EFR3B: variants seen among roughly 807,000 people sequenced by gnomAD.
The protein encoded by EFR3B is protein EFR3 homolog B.
A neutral mutation model predicts 104.7 loss-of-function variants in EFR3B; 64 were observed. That is an observed-to-expected ratio of 0.61 (90% CI 0.50 to 0.75). The LOEUF (loss-of-function observed/expected upper bound fraction) is 0.75, where lower values mean the gene tolerates loss of function less well. EFR3B is among the 30% of genes least tolerant of loss of function. The pLI is 0.00. For synonymous variants in EFR3B, 385 were observed against 417.9 expected, an observed-to-expected ratio of 0.92 and a Z score of 0.96; for missense variants, 750 against 1,078.5, an observed-to-expected ratio of 0.70 and a Z score of 4.27.
At chr2:25,054,529 G>A (rs1243023402) in intron 1 of EFR3B, among the ~76,000 whole-genome samples, 2 of 152,082 alleles carry the variant, frequency 1.3e-5, no homozygotes, top group Admixed American at 6.5e-5. Flanking sequence ...TGCCATGTAG[G>A]TTGGCCTTGA....
intron 1 of EFR3B, among the ~76,000 whole-genome samples, chr2:25,088,744 A>G (rs10190896): frequency 0.12 from 17,796 of 152,210 alleles, 2,600 homozygotes; most frequent in African/African-American, 0.35. Flanking sequence ...TCCAAGTCAC[A>G]GTTTAGGAAG....
chr2:25,157,342 A>G lies in EFR3B; in HGVS notation c.*3002A>G, dbSNP rs1671201382. 1 of 152,168 alleles carries G rather than the reference A, an allele frequency of 6.6e-6. No homozygotes were observed. Among genetic ancestry groups the G allele is most frequent in the Non-Finnish European group, 1.5e-5 (1 of 68,062 alleles). The allele number at this position is 152,168 out of a possible 1,614,324, so 9.4% of individuals were successfully genotyped here. On this transcript the variant is annotated 3_prime_UTR_variant, in exon 23 of 23. Coordinates refer to ENST00000403714, the MANE Select transcript of EFR3B (RefSeq NM_014971.2). ...TCGGAAAGGTGAAGGTGAGTGTGAT[A>G]GTAGGTAATCTCCTCACCCCAGCAC...
chr2:25,046,937 C>A lies in EFR3B; in HGVS notation c.7+4618C>A, dbSNP rs551168848. ...CCAGATCCTAAGGTTTCTGCAGCCC[C>A]ATGATCCAGGTATGGCCTATGCATG... On this transcript the variant is annotated intron_variant, in intron 1 of 22. Transcript: ENST00000403714. Among the ~76,000 whole-genome samples, 22 of 152,300 alleles carry A rather than the reference C, an allele frequency of 1.4e-4. No homozygotes were observed. The East Asian group carries it at 4.1e-3, about 28-fold the overall frequency.
intron 1 of EFR3B, among the ~76,000 whole-genome samples, chr2:25,050,815 T>C (rs1489283743): frequency 6.6e-6 from 1 of 152,222 alleles, no homozygotes; most frequent in African/African-American, 2.4e-5. Context: ...ATTAATGAGA[T>C]TGCCTAGGAC....
intron 1 of EFR3B, among the ~76,000 whole-genome samples, chr2:25,046,214 C>T (rs1388097539): frequency 6.6e-6 from 1 of 151,960 alleles, no homozygotes; most frequent in African/African-American, 2.4e-5. Flanking sequence ...GGTGAAACCC[C>T]GTCTCTACTA....
In EFR3B at chr2:25,051,891, C is replaced by A. The variant is rs191593413; in HGVS notation, c.7+9572C>A. Among the ~76,000 whole-genome samples the A allele has an allele frequency of 3.3e-4, 50 of 150,528 alleles. No homozygotes were observed. The East Asian group carries it at 9.3e-3, about 28-fold the overall frequency. Reference sequence around the variant, plus strand: ...CTGACCTCAGGTGATCCGCCCACCTCGGCCTCCCAAAGTGCTGGGATTGGC... The same window carrying A: ...CTGACCTCAGGTGATCCGCCCACCTAGGCCTCCCAAAGTGCTGGGATTGGC... On this transcript the variant is annotated intron_variant, in intron 1 of 22. Coordinates refer to ENST00000403714, the MANE Select transcript of EFR3B (RefSeq NM_014971.2).
intron 19 of EFR3B, among the ~76,000 whole-genome samples, chr2:25,149,309 CT>C (rs1670938121): frequency 6.6e-6 from 1 of 152,176 alleles, no homozygotes; most frequent in Admixed American, 6.5e-5. Flanking sequence ...GATCATGCCA[CT>C]ACACTCCAGC....
rs1316253072 is a variant in EFR3B at position 25,153,729 on chromosome 2, C to A, written c.2316C>A (p.Ser772Arg). The A allele has an allele frequency of 1.3e-6, 2 of 1,551,718 alleles. No homozygotes were observed. Among genetic ancestry groups the A allele is most frequent in the Non-Finnish European group, 1.7e-6 (2 of 1,147,000 alleles). ...GTGTCTAGGCATCGCTGCTCCAGAG[C>A]AAACTCAATCAGATCTTTGAAATCA... ...HCGARASLLQ[S>R]KLNQIFEITI... The change falls in exon 22 of 23, where the codon AGC becomes AGA. Residue 772 changes from serine to arginine, a missense_variant. By Grantham distance (110) the Ser-to-Arg change is moderately radical. Transcript: ENST00000403714.
rs191072478 is a variant in EFR3B at position 25,049,615 on chromosome 2, G to T, written c.7+7296G>T. Among the ~76,000 whole-genome samples, 329 of 152,316 alleles carry T rather than the reference G, an allele frequency of 2.2e-3. 1 individual carries two copies. The highest frequency in any genetic ancestry group is 3.8e-3 in the Non-Finnish European group (257 of 68,030). ...CAGTATCTTGAAGTGGAAGAGACCA[G>T]TGCGAGGTGGAGTCATCTGGGCAGG... On this transcript the variant is annotated intron_variant, in intron 1 of 22. Coordinates refer to ENST00000403714, the MANE Select transcript of EFR3B (RefSeq NM_014971.2).
intron 19 of EFR3B, chr2:25,145,362 G>A: frequency 2.0e-6 from 1 of 488,692 alleles, no homozygotes; most frequent in Non-Finnish European, 3.6e-6. Context: ...CTTGAGCCCA[G>A]GAGTTTGAGA....
At chr2:25,047,124 A>G (rs927925438) in intron 1 of EFR3B, among the ~76,000 whole-genome samples, 1 of 152,208 alleles carries the variant, frequency 6.6e-6, no homozygotes, top group African/African-American at 2.4e-5. Context: ...TAAAAAGGTA[A>G]TATTATATTA....
chr2:25,043,936 G>A (rs1247106858), intron 1 of EFR3B, among the ~76,000 whole-genome samples: 1 of 152,158 alleles, frequency 6.6e-6, no homozygotes. Flanking sequence ...CTGCCTCATT[G>A]CATTTAGTCC....
At chr2:25,073,882 C>T (rs1219221805) in intron 1 of EFR3B, among the ~76,000 whole-genome samples, 1 of 152,156 alleles carries the variant, frequency 6.6e-6, no homozygotes, top group African/African-American at 2.4e-5. Flanking sequence ...ACCAACCAGC[C>T]TGAGGAGCAC....
At chr2:25,111,724 C>G (rs1008100357) in intron 4 of EFR3B, among the ~76,000 whole-genome samples, 1 of 152,002 alleles carries the variant, frequency 6.6e-6, no homozygotes, top group Non-Finnish European at 1.5e-5. Context: ...CAGAAGGGGA[C>G]GTGATGATGG....
chr2:25,120,932 C>T (rs1452047308), intron 4 of EFR3B, among the ~76,000 whole-genome samples: 5 of 152,120 alleles, frequency 3.3e-5, no homozygotes, highest in East Asian at 1.9e-4. Context: ...GATGGAGTCT[C>T]GCTCTATCGC....
At chr2:25,051,635 G>GTT (rs1378941873) in intron 1 of EFR3B, among the ~76,000 whole-genome samples, 3 of 97,498 alleles carry the variant, frequency 3.1e-5, no homozygotes, top group South Asian at 3.4e-4. Context: ...GTGTGTGTGT[G>GTT]TGTTTTTTTT....
At chr2:25,106,295 GT>G (rs958322841) in intron 4 of EFR3B, among the ~76,000 whole-genome samples, 32 of 145,716 alleles carry the variant, frequency 2.2e-4, no homozygotes, top group African/African-American at 2.5e-4. Context: ...CACCTCTGGA[GT>G]TTTTTTTTTT....
At position 25,136,328 on chromosome 2, in the gene EFR3B, A is replaced by G. The variant is rs59356063; in HGVS notation, c.1485-195A>G. 7.9e-3 allele frequency among the ~76,000 whole-genome samples: 1,199 copies of G among 152,232 alleles called. 12 individuals carry two copies. The highest frequency in any genetic ancestry group is 0.027 in the African/African-American group (1,125 of 41,532). ...AGAATAAGACCCTGTCTCAAAAAGG[A>G]AAAAAGAGAGAGAGATAAAGGGACA... is the stretch of plus-strand genomic sequence containing the variant. On this transcript the variant is annotated intron_variant, in intron 13 of 22. Coordinates refer to ENST00000403714, the MANE Select transcript of EFR3B (RefSeq NM_014971.2). The surrounding 1 kb of genome is among the most constrained non-coding windows in gnomAD (Gnocchi z 4.0).
Position 25,128,617 on chromosome 2 carries a change from G to A in EFR3B, c.635+285G>A, listed in dbSNP as rs557838102. Among the ~76,000 whole-genome samples, 14 of 152,260 alleles carry A rather than the reference G, an allele frequency of 9.2e-5. No homozygotes were observed. The South Asian group carries it at 1.7e-3, about 18-fold the overall frequency. On this transcript the variant is annotated intron_variant, in intron 6 of 22. Coordinates refer to ENST00000403714, the MANE Select transcript of EFR3B (RefSeq NM_014971.2). Reference sequence around the variant, plus strand: ...TTGGTAATAACACACAGAACCAAGAGTCTGGTTACCTTTGTCTCCCTGGAA... The same window carrying A: ...TTGGTAATAACACACAGAACCAAGAATCTGGTTACCTTTGTCTCCCTGGAA...
Sources: allele counts gnomAD v4.1 joint callset (sites outside exome capture counted in the v4.1 genomes callset), GRCh38; gene constraint gnomAD v4.1.1; non-coding constraint Gnocchi (gnomAD v3.1); transcripts MANE v1.5; gene names NCBI Gene and HGNC (gene_info 2026-07-23, HGNC 2026-07-21).